Variants in ADAMTSL1 observed in about 807,000 individuals in gnomAD.
ADAMTSL1 encodes the protein ADAMTS like 1.
Under a neutral mutation model 201.8 loss-of-function variants are expected in ADAMTSL1, and 126 were observed. That is an observed-to-expected ratio of 0.62 (90% CI 0.54 to 0.72). The LOEUF (loss-of-function observed/expected upper bound fraction) is 0.72, where lower values mean the gene tolerates loss of function less well. Ranked by LOEUF, ADAMTSL1 falls within the 30% of genes least tolerant of loss-of-function variation. The pLI, the probability that ADAMTSL1 is intolerant of heterozygous loss-of-function variation, is 0.00. For synonymous variants in ADAMTSL1, 1,121 were observed against 903.4 expected (o/e 1.24, Z -4.32); for missense variants, 2,679 against 2,277.8 (o/e 1.18, Z -3.59).
At chr9:18,551,113 C>G (rs1445735598) in intron 3 of ADAMTSL1, among the ~76,000 whole-genome samples, 1 of 151,792 alleles carries the variant, frequency 6.6e-6, no homozygotes, top group East Asian at 1.9e-4. Flanking sequence ...ACAAAAAATA[C>G]AAAACAAAAT....
intron 3 of ADAMTSL1, among the ~76,000 whole-genome samples, chr9:18,538,033 C>T (rs73644234): frequency 0.073 from 11,098 of 151,594 alleles, 1,227 homozygotes; most frequent in African/African-American, 0.24. Context: ...GAGGAAGCTC[C>T]TGGATAATTT....
chr9:18,565,721 C>T (rs1460143936), intron 3 of ADAMTSL1, among the ~76,000 whole-genome samples: 1 of 152,162 alleles, frequency 6.6e-6, no homozygotes, highest in Non-Finnish European at 1.5e-5. Context: ...AAATATTATG[C>T]TCTTAAAATG....
chr9:18,776,872 C>T lies in ADAMTSL1; in HGVS notation c.2643C>T (p.Phe881=), dbSNP rs778176189. 7 of 1,611,122 alleles carry T rather than the reference C, an allele frequency of 4.3e-6. No homozygotes were observed. In the South Asian group the frequency reaches 5.5e-5, roughly 13 times the overall value. The change falls in exon 19 of 29, where the codon TTC becomes TTT. Residue 881 remains phenylalanine (F), a synonymous_variant. Transcript: ENST00000380548. ...IQTRRQRKLH[F]VVGGFAYLLP... is the part of the protein sequence containing the mutation. ...CTCGCAGGCAGAGGAAGCTGCACTTCGTGGTGGGGGGCTTCGCCTACCTGC... is the reference window on the plus strand; with the variant it reads ...CTCGCAGGCAGAGGAAGCTGCACTTTGTGGTGGGGGGCTTCGCCTACCTGC...
intron 14 of ADAMTSL1, 115 bp downstream of exon 14, chr9:18,707,163 AG>A: frequency 7.7e-7 from 1 of 1,301,444 alleles, no homozygotes; most frequent in East Asian, 2.5e-5. Context: ...CAGGAGGAGG[AG>A]GGGAGGCAGC....
At chr9:18,414,475 T>C (rs1818585865) in intron 2 of ADAMTSL1, among the ~76,000 whole-genome samples, 1 of 152,196 alleles carries the variant, frequency 6.6e-6, no homozygotes, top group Non-Finnish European at 1.5e-5. Flanking sequence ...TTTACACTCA[T>C]GCGTGAAACA....
At chr9:18,186,534 A>T (rs868038091) in intron 2 of ADAMTSL1, among the ~76,000 whole-genome samples, 1 of 152,132 alleles carries the variant, frequency 6.6e-6, no homozygotes, top group Admixed American at 6.6e-5. Context: ...ATGGGTATGT[A>T]ATGCCCCACC....
At chr9:18,703,701 C>CATACATATATAT (rs1295764808) in intron 13 of ADAMTSL1, among the ~76,000 whole-genome samples, 1 of 78,812 alleles carries the variant, frequency 1.3e-5, no homozygotes, top group African/African-American at 4.7e-5. Flanking sequence ...TGCGCACATA[C>CATACATATATAT]ATATATATAT....
In ADAMTSL1 at chr9:18,504,822, C is replaced by G; in HGVS notation, c.64-7C>G. 1.2e-6 allele frequency: 2 copies of G among 1,614,182 alleles called. No individual in the cohort carries two copies. The highest frequency in any genetic ancestry group is 2.2e-5 in the East Asian group (1 of 44,870). ...TATGATGCTGACCATTCTTTTGTTTCTCACAGAGTTCCAGGACCGCACGCT... is the reference window on the plus strand; with the variant it reads ...TATGATGCTGACCATTCTTTTGTTTGTCACAGAGTTCCAGGACCGCACGCT... On this transcript the variant is annotated splice_region_variant and splice_polypyrimidine_tract_variant and intron_variant, in intron 1 of 28. Coordinates refer to ENST00000380548, the MANE Select transcript of ADAMTSL1 (RefSeq NM_001040272.6).
chr9:18,664,940 T>C (rs1476135847), intron 9 of ADAMTSL1, among the ~76,000 whole-genome samples: 1 of 152,048 alleles, frequency 6.6e-6, no homozygotes, highest in Non-Finnish European at 1.5e-5. Context: ...AAATAATAAT[T>C]CACAAAAATA....
At chr9:18,168,309 T>C (rs1827725695) in intron 2 of ADAMTSL1, among the ~76,000 whole-genome samples, 1 of 152,154 alleles carries the variant, frequency 6.6e-6, no homozygotes. Flanking sequence ...TGGTGTGTGA[T>C]GTTCCCCTTC....
chr9:18,506,495 T>C (rs948573152), intron 2 of ADAMTSL1, among the ~76,000 whole-genome samples: 7 of 152,166 alleles, frequency 4.6e-5, no homozygotes, highest in Non-Finnish European at 8.8e-5. Flanking sequence ...GGTAGGATCT[T>C]TTACTGAGTG....
chr9:18,700,795 C>T (rs966285259), intron 13 of ADAMTSL1, among the ~76,000 whole-genome samples: 5 of 152,008 alleles, frequency 3.3e-5, no homozygotes, highest in Non-Finnish European at 7.4e-5. Context: ...TTCCAGATCC[C>T]TCTGTGGCCA....
intron 19 of ADAMTSL1, among the ~76,000 whole-genome samples, chr9:18,791,319 C>T (rs1026306307): frequency 6.6e-6 from 1 of 152,116 alleles, no homozygotes; most frequent in Non-Finnish European, 1.5e-5. Context: ...ATTTTATGGG[C>T]ATATTGTATG....
At chr9:18,529,043 T>C (rs2132080843) in intron 2 of ADAMTSL1, among the ~76,000 whole-genome samples, 1 of 152,350 alleles carries the variant, frequency 6.6e-6, no homozygotes, top group Middle Eastern at 3.4e-3. Context: ...CCCAGATAAA[T>C]GCCTTGGATG....
At chr9:18,223,680 T>C (rs1830342273) in intron 2 of ADAMTSL1, among the ~76,000 whole-genome samples, 1 of 152,132 alleles carries the variant, frequency 6.6e-6, no homozygotes. Context: ...CCTTGAACTA[T>C]ATTAAATATA....
At chr9:18,201,503 T>A (rs1829443716) in intron 2 of ADAMTSL1, among the ~76,000 whole-genome samples, 1 of 152,156 alleles carries the variant, frequency 6.6e-6, no homozygotes, top group Admixed American at 6.6e-5. Flanking sequence ...CCTAAGAACA[T>A]TTTTTATTTT....
At chr9:18,482,642 C>G (rs923138903) in intron 1 of ADAMTSL1, among the ~76,000 whole-genome samples, 4 of 152,164 alleles carry the variant, frequency 2.6e-5, no homozygotes, top group Non-Finnish European at 5.9e-5. Context: ...ATAAATATAC[C>G]TCACTTTGTT....
intron 19 of ADAMTSL1, among the ~76,000 whole-genome samples, chr9:18,793,701 C>A (rs1822191914): frequency 6.6e-6 from 1 of 152,110 alleles, no homozygotes; most frequent in South Asian, 2.1e-4. Context: ...GGCTACTGAG[C>A]CATTTCTGTG....
intron 1 of ADAMTSL1, among the ~76,000 whole-genome samples, chr9:17,931,842 G>A (rs915802404): frequency 2.6e-5 from 4 of 152,136 alleles, no homozygotes; most frequent in African/African-American, 9.7e-5. Flanking sequence ...CAATGATGGA[G>A]CTCCCAAATC....
Sources: gnomAD v4.1 joint callset for allele counts (sites outside exome capture counted in the v4.1 genomes callset) on GRCh38, gnomAD v4.1.1 for gene constraint, MANE v1.5 for transcripts, NCBI Gene and HGNC (gene_info 2026-07-23, HGNC 2026-07-21) for gene names.